The following MMP26 variants were observed in gnomAD, a reference collection of about 807,000 sequenced individuals.
MMP26 encodes matrix metalloproteinase-26.
A neutral mutation model predicts 31.0 loss-of-function variants in MMP26; 33 were observed. That is an observed-to-expected ratio of 1.06 (90% CI 0.81 to 1.42). The LOEUF is 1.42. Ranked by LOEUF, MMP26 falls within the 40% of genes most tolerant of loss-of-function variation. MMP26 has a pLI of 0.00. For missense variants in MMP26, 347 were observed against 316.1 expected (o/e 1.10, Z -0.74); for synonymous variants, 122 against 114.9 (o/e 1.06, Z -0.40).
chr11:4,793,438 T>C (rs1019722064), intron 2 of MMP26, among the ~76,000 whole-genome samples: 6 of 152,158 alleles, frequency 3.9e-5, no homozygotes, highest in Admixed American at 6.6e-5. Flanking sequence ...CTAATTAACG[T>C]AAATGAAGAG....
At chr11:4,773,441 C>T (rs906846104) in intron 2 of MMP26, among the ~76,000 whole-genome samples, 1 of 152,114 alleles carries the variant, frequency 6.6e-6, no homozygotes, top group Non-Finnish European at 1.5e-5. Flanking sequence ...CAACAGGCCA[C>T]AAGGAACTAA....
rs151329828 is a variant in MMP26, at chr11:4,753,628, A to G, written c.-216-13642A>G. On this transcript the variant is annotated intron_variant, in intron 1 of 7. Coordinates refer to ENST00000380390, the MANE Select transcript of MMP26 (RefSeq NM_021801.5). ...AACTGTGATTAGGCCTTGGTATAGA[A>G]AAATAATTGACTAATTGTGATTTGG... is the stretch of plus-strand genomic sequence containing the variant. Among the ~76,000 whole-genome samples the G allele has an allele frequency of 3.5e-3, 540 of 152,206 alleles. 2 individuals carry two copies. Among genetic ancestry groups the G allele is most frequent in the Middle Eastern group, 6.8e-3 (2 of 294 alleles).
chr11:4,850,001 T>C (rs1849952674), intron 2 of MMP26, among the ~76,000 whole-genome samples: 1 of 152,198 alleles, frequency 6.6e-6, no homozygotes, highest in Admixed American at 6.5e-5. Flanking sequence ...CATTTCAAGT[T>C]CTGTCTACTA....
chr11:4,851,941 T>G (rs1365896875), intron 2 of MMP26, among the ~76,000 whole-genome samples: 6 of 152,062 alleles, frequency 3.9e-5, no homozygotes, highest in Non-Finnish European at 2.9e-5. Context: ...AGGTGAAATT[T>G]CAACCATATC....
At chr11:4,886,314 C>T (rs543845670) in intron 2 of MMP26, among the ~76,000 whole-genome samples, 1 of 152,168 alleles carries the variant, frequency 6.6e-6, no homozygotes, top group Non-Finnish European at 1.5e-5. Context: ...AAGCTCCTAA[C>T]ACTTTATTGC....
intron 2 of MMP26, among the ~76,000 whole-genome samples, chr11:4,892,607 A>C (rs1364817636): frequency 1.3e-5 from 2 of 152,186 alleles, no homozygotes; most frequent in African/African-American, 4.8e-5. Context: ...AATCTTATTA[A>C]ACTGAATTGA....
rs781340870 is a variant in MMP26, at chr11:4,848,704, A to G, written c.-145+81363A>G. ...CAGTAGGGCATGTAGGCCAGCAGGA[A>G]TGGCAGGGGCAGATGGAGACCCAGG... On this transcript the variant is annotated intron_variant, in intron 2 of 7. Coordinates refer to ENST00000380390, the MANE Select transcript of MMP26 (RefSeq NM_021801.5). 16 of 1,613,972 alleles carry G rather than the reference A, an allele frequency of 9.9e-6. No individual in the cohort carries two copies. In the Admixed American group the frequency reaches 1.3e-4, roughly 13 times the overall value.
chr11:4,821,636 A>G (rs35003053), intron 2 of MMP26: 202,239 of 1,613,684 alleles, frequency 0.13, 14,197 homozygotes, highest in Non-Finnish European at 0.14. Flanking sequence ...TCAGCCACAG[A>G]CCTGAGCTTG....
intron 2 of MMP26, among the ~76,000 whole-genome samples, chr11:4,916,169 G>A (rs540655032): frequency 2.6e-5 from 4 of 151,968 alleles, no homozygotes; most frequent in African/African-American, 4.8e-5. Flanking sequence ...AAAAAAAATG[G>A]TGTGGGAGGA....
chr11:4,747,149 A>G (rs988620665), intron 1 of MMP26, among the ~76,000 whole-genome samples: 3 of 152,156 alleles, frequency 2.0e-5, no homozygotes, highest in Non-Finnish European at 2.9e-5. Flanking sequence ...CAGCATTTCT[A>G]TGTCTAAACG....
At chr11:4,939,461 G>A (rs1250858567) in intron 2 of MMP26, among the ~76,000 whole-genome samples, 4 of 152,076 alleles carry the variant, frequency 2.6e-5, no homozygotes, top group Admixed American at 6.6e-5. Context: ...TTCCTCGGCT[G>A]TTTTCCTAAA....
chr11:4,737,755 A>G (rs1182642245), intron 1 of MMP26, among the ~76,000 whole-genome samples: 1 of 152,212 alleles, frequency 6.6e-6, no homozygotes. Flanking sequence ...CTGTCCACAC[A>G]AAGAGATCCA....
chr11:4,771,042 C>G (rs1049684862), intron 2 of MMP26, among the ~76,000 whole-genome samples: 1 of 151,950 alleles, frequency 6.6e-6, no homozygotes, highest in African/African-American at 2.4e-5. Context: ...AGTGGAGGTA[C>G]GGTTTATTTT....
intron 2 of MMP26, among the ~76,000 whole-genome samples, chr11:4,974,239 T>C (rs762343697): frequency 1.4e-4 from 22 of 152,124 alleles, no homozygotes; most frequent in Non-Finnish European, 2.8e-4. Flanking sequence ...TAATATAACG[T>C]TGCAATATAT....
At chr11:4,806,427 T>C (rs994257200) in intron 2 of MMP26, among the ~76,000 whole-genome samples, 2 of 152,168 alleles carry the variant, frequency 1.3e-5, no homozygotes, top group Non-Finnish European at 2.9e-5. Flanking sequence ...GCATATATAT[T>C]TAGGATAGTT....
chr11:4,786,514 T>TATTTTA (rs1442482038), intron 2 of MMP26, among the ~76,000 whole-genome samples: 2 of 136,310 alleles, frequency 1.5e-5, no homozygotes, highest in Non-Finnish European at 1.6e-5. Context: ...TTTTTTTTTT[T>TATTTTA]TTTTTTTTTA....
chr11:4,761,318 A>G (rs1174466104), intron 1 of MMP26, among the ~76,000 whole-genome samples: 1 of 152,236 alleles, frequency 6.6e-6, no homozygotes, highest in Non-Finnish European at 1.5e-5. Context: ...TTCTGATCGG[A>G]GAGCAGCCAC....
intron 2 of MMP26, among the ~76,000 whole-genome samples, chr11:4,812,902 T>G (rs2133463247): frequency 6.6e-6 from 1 of 152,228 alleles, no homozygotes; most frequent in Non-Finnish European, 1.5e-5. Context: ...TGGGCTTAAC[T>G]TTTTCCTTTT....
At chr11:4,989,190 T>C (rs1467421709) in intron 3 of MMP26, among the ~76,000 whole-genome samples, 3 of 152,176 alleles carry the variant, frequency 2.0e-5, no homozygotes, top group African/African-American at 7.2e-5. Flanking sequence ...AACGGGCTCT[T>C]TAAAAGTAAC....
Sources: gnomAD v4.1 joint callset for allele counts (sites outside exome capture counted in the v4.1 genomes callset) on GRCh38, gnomAD v4.1.1 for gene constraint, MANE v1.5 for transcripts, NCBI Gene and HGNC (gene_info 2026-07-23, HGNC 2026-07-21) for gene names.